Variants in SPAG4 observed in about 807,000 individuals in gnomAD.
The protein encoded by SPAG4 is sperm associated antigen 4, also known as sperm-associated antigen 4 protein.
SPAG4 carries 54 observed loss-of-function variants against 53.9 expected under a neutral mutation model. The ratio of observed to expected loss-of-function variants is 1.00; its 90% CI spans 0.80 to 1.26. The LOEUF is 1.26. SPAG4 is among the 50% of genes most tolerant of loss of function. SPAG4 has a pLI of 0.00. For synonymous variants in SPAG4, 246 were observed against 237.4 expected (o/e 1.04, Z -0.33); for missense variants, 548 against 568.6 (o/e 0.96, Z 0.37).
intron 11 of SPAG4, 40 bp downstream of exon 11, chr20:35,620,813 G>A (rs1568901497): frequency 1.2e-5 from 20 of 1,612,880 alleles, no homozygotes; most frequent in Non-Finnish European, 1.6e-5. Context: ...AGGGAGTGGG[G>A]CAGTGAGGGA....
At chr20:35,619,174 G>A (rs2031491695) in intron 8 of SPAG4, 21 bp from the exon 9 acceptor site, 1 of 1,582,562 alleles carries the variant, frequency 6.3e-7, no homozygotes. Flanking sequence ...AGCCTCTGAG[G>A]GTTACTTCTC....
In SPAG4 at chr20:35,619,319, G is replaced by A. The variant is rs1193039187; in HGVS notation, c.909+9G>A. 4.4e-6 allele frequency: 7 copies of A among 1,609,016 alleles called. No homozygotes were observed. Among genetic ancestry groups the A allele is most frequent in the Non-Finnish European group, 6.0e-6 (7 of 1,175,490 alleles). On this transcript the variant is annotated intron_variant, in intron 9 of 11. Coordinates refer to ENST00000374273, the MANE Select transcript of SPAG4 (RefSeq NM_003116.3). ...CCACGGTTATCCTGGAGGTGAGTCT[G>A]GAAACATCCCGGGATGGGACCCCGG...
At chr20:35,616,931 G>A (rs1429260612) in intron 1 of SPAG4, 2 of 575,128 alleles carry the variant, frequency 3.5e-6, no homozygotes, top group Non-Finnish European at 6.2e-6. Context: ...CGCCCGGCCA[G>A]GAGACCAACT....
Position 35,619,209 on chromosome 20 carries a change from C to G in SPAG4, c.808C>G (p.Leu270Val), listed in dbSNP as rs755066467. 1 of 1,612,702 alleles carries G rather than the reference C, an allele frequency of 6.2e-7. No homozygotes were observed. Among genetic ancestry groups the G allele is most frequent in the Non-Finnish European group, 8.5e-7 (1 of 1,179,390 alleles). The change falls in exon 9 of 12, where the codon CTG becomes GTG. Residue 270 changes from leucine (L) to valine (V), a missense_variant. Leu to Val is a conservative substitution (Grantham distance 32, BLOSUM62 1). Transcript: ENST00000374273. ...CACTGTTCCAGGAGCCTCCATCGACCTGCAGAAGACATCCCACGATTACGC... is the reference window on the plus strand; with the variant it reads ...CACTGTTCCAGGAGCCTCCATCGACGTGCAGAAGACATCCCACGATTACGC... ...ALSSVGASID[L>V]QKTSHDYADR...
intron 9 of SPAG4, 64 bp from the exon 10 acceptor site, chr20:35,619,515 G>C (rs1418118136): frequency 3.2e-6 from 5 of 1,583,740 alleles, no homozygotes; most frequent in Non-Finnish European, 4.3e-6. Context: ...GCTGAGGCCC[G>C]GGCTGGGGAG....
rs755893676 is a variant in SPAG4, at chr20:35,618,720, G to C, written c.717G>C (p.Glu239Asp). ...EVSTVRAANS[E>D]RVAKLVFQRL... is the part of the protein sequence containing the mutation. ...CCACTGTTCGGGCAGCCAACAGCGAGGTGAGCCCCGGCCCACCTTGGAAAC... is the reference window on the plus strand; with the variant it reads ...CCACTGTTCGGGCAGCCAACAGCGACGTGAGCCCCGGCCCACCTTGGAAAC... The change falls in exon 7 of 12, where the codon GAG becomes GAC. Residue 239 changes from glutamate (E) to aspartate (D), a missense_variant and splice_region_variant. Glu to Asp is a conservative substitution (Grantham distance 45). Transcript: ENST00000374273. 1 of 1,574,980 alleles carries C rather than the reference G, an allele frequency of 6.3e-7. No homozygotes were observed.
At chr20:35,618,280 A>C (rs1366844699) in intron 5 of SPAG4, 150 bp downstream of exon 5, 1 of 1,099,290 alleles carries the variant, frequency 9.1e-7, no homozygotes, top group Non-Finnish European at 1.3e-6. Flanking sequence ...CAGACTTATG[A>C]GGGATTGTGC....
chr20:35,619,557 T>C lies in SPAG4; in HGVS notation c.910-22T>C, dbSNP rs757540701. 4.4e-6 allele frequency: 7 copies of C among 1,606,950 alleles called. No individual in the cohort carries two copies. The African/African-American group carries it at 9.4e-5, about 21-fold the overall frequency. ...CAGTCGCTCTGTCCGACGGTTCCGA[T>C]GGTCCCTCCGCCCGCCTGCAGCCCC... On this transcript the variant is annotated intron_variant, in intron 9 of 11. Transcript: ENST00000374273.
rs1601405993 is a variant in SPAG4, at chr20:35,618,670, C to T, written c.667C>T (p.Leu223=). The part of the protein sequence containing the change: ...GQQLQQLQAE[L]DKLHKEVSTV... ...GCAGCTGCAGCAGCTCCAGGCCGAG[C>T]TGGATAAACTCCACAAGGAGGTGTC... The change falls in exon 7 of 12, where the codon CTG becomes TTG. Residue 223 remains leucine, a synonymous_variant. Transcript: ENST00000374273. 1 of 1,595,546 alleles carries T rather than the reference C, an allele frequency of 6.3e-7. No individual in the cohort carries two copies.
chr20:35,619,317 C>A lies in SPAG4; in HGVS notation c.909+7C>A. 3 of 1,609,400 alleles carry A rather than the reference C, an allele frequency of 1.9e-6. No individual in the cohort carries two copies. Among genetic ancestry groups the A allele is most frequent in the Non-Finnish European group, 2.6e-6 (3 of 1,175,672 alleles). ...GCCCACGGTTATCCTGGAGGTGAGT[C>A]TGGAAACATCCCGGGATGGGACCCC... is the stretch of plus-strand genomic sequence containing the variant. On this transcript the variant is annotated splice_region_variant and intron_variant, in intron 9 of 11. Coordinates refer to ENST00000374273, the MANE Select transcript of SPAG4 (RefSeq NM_003116.3).
Position 35,619,250 on chromosome 20 carries a change from C to T in SPAG4, c.849C>T (p.Ala283=). The T allele has an allele frequency of 1.2e-6, 2 of 1,614,096 alleles. No homozygotes were observed. Among genetic ancestry groups the T allele is most frequent in the Non-Finnish European group, 1.7e-6 (2 of 1,180,008 alleles). ...ACGATTACGCAGACAGGAACACTGC[C>T]TACTTCTGGAATCGCTTCAGCTTCT... ...TSHDYADRNT[A]YFWNRFSFWN... is the part of the protein sequence containing the mutation. The change falls in exon 9 of 12, where the codon GCC becomes GCT. Residue 283 remains alanine, a synonymous_variant. Transcript: ENST00000374273.
rs2031353565 is a variant in SPAG4 at position 35,615,909 on chromosome 20, G to C, written c.-95G>C. The C allele has an allele frequency of 7.7e-7, 1 of 1,293,752 alleles. No homozygotes were observed. Among genetic ancestry groups the C allele is most frequent in the Non-Finnish European group, 1.1e-6 (1 of 947,718 alleles). The allele number at this position is 1,293,752 out of a possible 1,614,324, so 80.1% of individuals were successfully genotyped here. ...TGCCGACTTCACGCAGGGTCCGTGG[G>C]GTCCCCGCGGCGCGCAGCGGCTGAA... On this transcript the variant is annotated 5_prime_UTR_variant, in exon 1 of 12. Transcript: ENST00000374273.
chr20:35,619,112 A>ACCCCCCCCCCCCCCCCCCCCCCCC, intron 8 of SPAG4, 83 bp from the exon 9 acceptor site: 1 of 821,976 alleles, frequency 1.2e-6, no homozygotes, highest in Non-Finnish European at 1.9e-6. Flanking sequence ...GACAGCCCCC[A>ACCCCCCCCCCCCCCCCCCCCCCCC]CCCGCCCCCA....
At chr20:35,616,838 C>T (rs559343573) in intron 1 of SPAG4, 101 of 386,188 alleles carry the variant, frequency 2.6e-4, no homozygotes, top group African/African-American at 1.9e-3. Context: ...CCGTGTTAAT[C>T]AGGCTGGCCT....
Position 35,618,727 on chromosome 20 carries a change from C to T in SPAG4, c.717+7C>T. On this transcript the variant is annotated splice_region_variant and intron_variant, in intron 7 of 11. Transcript: ENST00000374273. ...TCGGGCAGCCAACAGCGAGGTGAGC[C>T]CCGGCCCACCTTGGAAACCCCTGAT... The T allele has an allele frequency of 1.3e-6, 2 of 1,568,186 alleles. No homozygotes were observed. The highest frequency in any genetic ancestry group is 1.7e-6 in the Non-Finnish European group (2 of 1,153,998).
chr20:35,618,028 T>TG, intron 4 of SPAG4, 59 bp from the exon 5 acceptor site: 3 of 1,563,340 alleles, frequency 1.9e-6, no homozygotes, highest in Non-Finnish European at 2.6e-6. Flanking sequence ...TGTCCCCCTA[T>TG]GCCGGGGAAA....
intron 1 of SPAG4, 83 bp from the exon 2 acceptor site, chr20:35,617,053 A>G (rs2031409979): frequency 1.1e-6 from 1 of 872,930 alleles, no homozygotes; most frequent in African/African-American, 1.7e-5. Flanking sequence ...TGGCTTGTGG[A>G]CTGAGCAATC....
rs935902519 is a variant in SPAG4, at chr20:35,618,850, C to A, written c.718-73C>A. Reference sequence around the variant, plus strand: ...AAGTCCATCCCAAAGCAACCAGCTCCCAGAGGTCCCGTCCACCTGTAAAAG... The same window carrying A: ...AAGTCCATCCCAAAGCAACCAGCTCACAGAGGTCCCGTCCACCTGTAAAAG... On this transcript the variant is annotated intron_variant, in intron 7 of 11. Coordinates refer to ENST00000374273, the MANE Select transcript of SPAG4 (RefSeq NM_003116.3). The A allele has an allele frequency of 1.7e-5, 25 of 1,496,436 alleles. No homozygotes were observed. The Admixed American group carries it at 3.5e-4, about 21-fold the overall frequency. 92.7% of individuals were successfully genotyped at this position (1,496,436 alleles called of 1,614,324 possible). A position where few individuals can be genotyped will look rare whatever the true frequency, so the allele number is the denominator to read the frequency against.
rs1441464082 is a variant in SPAG4, at chr20:35,621,067, TG to T, written c.*47del. The T allele has an allele frequency of 6.3e-7, 1 of 1,596,984 alleles. No individual in the cohort carries two copies. Among genetic ancestry groups the T allele is most frequent in the Non-Finnish European group, 8.6e-7 (1 of 1,166,120 alleles). On this transcript the variant is annotated 3_prime_UTR_variant, in exon 12 of 12. Coordinates refer to ENST00000374273, the MANE Select transcript of SPAG4 (RefSeq NM_003116.3). ...AGAATTGAGTTCTGCTGAAGGATAC[TG>T]GATCAGTGCTTTCGGGGGCTCTGTT...
Sources: gnomAD v4.1 joint callset for allele counts on GRCh38, gnomAD v4.1.1 for gene constraint, MANE v1.5 for transcripts, NCBI Gene and HGNC (gene_info 2026-07-23, HGNC 2026-07-21) for gene names.